COL25A1: variants seen among roughly 807,000 people sequenced by gnomAD.
COL25A1 encodes the protein collagen type XXV alpha 1 chain.
Under a neutral mutation model 128.4 loss-of-function variants are expected in COL25A1, and 103 were observed. The ratio of observed to expected loss-of-function variants is 0.80; its 90% confidence interval spans 0.68 to 0.94. COL25A1 has a LOEUF of 0.94. Ranked by LOEUF, COL25A1 falls within the 40% of genes least tolerant of loss-of-function variation. The pLI is 0.00. For missense variants in COL25A1, 745 were observed against 840.0 expected (o/e 0.89, Z 1.40); for synonymous variants, 279 against 277.2 (o/e 1.01, Z -0.06).
chr4:109,199,321 C>A (rs551810985), intron 3 of COL25A1, among the ~76,000 whole-genome samples: 2 of 149,444 alleles, frequency 1.3e-5, no homozygotes, highest in Non-Finnish European at 2.9e-5. Context: ...TTTTGTTTTT[C>A]TTTTTCTAGA....
rs1049400394 is a variant in COL25A1, at chr4:109,079,033, G to A, written c.368-28854C>T. On this transcript the variant is annotated intron_variant, in intron 3 of 37. Coordinates refer to ENST00000399132, the MANE Select transcript of COL25A1 (RefSeq NM_198721.4). ...AGCCTACAGAGTCTTGTGGTCAGAA[G>A]AATCTTACAATTTCTGCTGATGCTT... Among the ~76,000 whole-genome samples the A allele has an allele frequency of 3.9e-5, 6 of 152,352 alleles. No individual in the cohort carries two copies. The East Asian group carries it at 1.2e-3, about 29-fold the overall frequency.
chr4:108,840,723 T>G (rs533093459), intron 31 of COL25A1, among the ~76,000 whole-genome samples: 2 of 152,332 alleles, frequency 1.3e-5, no homozygotes, highest in South Asian at 2.1e-4. Flanking sequence ...CAGGAGTTCA[T>G]GAACCTTCTT....
At chr4:109,035,618 C>A (rs1168517773) in intron 5 of COL25A1, among the ~76,000 whole-genome samples, 1 of 151,956 alleles carries the variant, frequency 6.6e-6, no homozygotes, top group African/African-American at 2.4e-5. Context: ...TTTTTAATGA[C>A]AAAATAAAAG....
intron 11 of COL25A1, among the ~76,000 whole-genome samples, chr4:108,937,588 C>T (rs993396057): frequency 3.6e-5 from 4 of 110,626 alleles, no homozygotes; most frequent in African/African-American, 1.0e-4. Context: ...TCTGTCGCTC[C>T]CCACACCTGG....
At position 108,974,443 on chromosome 4, in the gene COL25A1, A is replaced by ATGT. The variant is rs765818056; in HGVS notation, c.466-53_466-51dup. The ATGT allele has an allele frequency of 8.7e-6, 14 of 1,609,942 alleles. No homozygotes were observed. In the South Asian group the frequency reaches 1.2e-4, roughly 14 times the overall value. On this transcript the variant is annotated intron_variant, in intron 7 of 37. Transcript: ENST00000399132. ...CAGTTTTAGCCAAAATTTATACATG[A>ATGT]TGTTCATTAAAAAGATCAAAATGTA...
At chr4:109,154,494 A>C (rs1322719638) in intron 3 of COL25A1, among the ~76,000 whole-genome samples, 2 of 152,178 alleles carry the variant, frequency 1.3e-5, no homozygotes, top group African/African-American at 4.8e-5. Flanking sequence ...TGGATCGCTG[A>C]GAAGGTGGGT....
At chr4:108,952,024 A>T (rs1749497126) in intron 8 of COL25A1, among the ~76,000 whole-genome samples, 1 of 152,216 alleles carries the variant, frequency 6.6e-6, no homozygotes, top group African/African-American at 2.4e-5. Context: ...ACTAAAGATT[A>T]TAGAAAGAGT....
intron 3 of COL25A1, among the ~76,000 whole-genome samples, chr4:109,186,103 G>C (rs1775106749): frequency 6.6e-6 from 1 of 151,970 alleles, no homozygotes; most frequent in Non-Finnish European, 1.5e-5. Flanking sequence ...AGGACCTTTT[G>C]TCATTCTTCC....
intron 13 of COL25A1, among the ~76,000 whole-genome samples, chr4:108,906,907 A>C (rs1366065892): frequency 6.6e-6 from 1 of 152,224 alleles, no homozygotes; most frequent in Non-Finnish European, 1.5e-5. Context: ...GCCTACATGA[A>C]GATGTGAAGC....
chr4:109,295,713 C>G (rs1389447890), intron 3 of COL25A1, among the ~76,000 whole-genome samples: 1 of 152,020 alleles, frequency 6.6e-6, no homozygotes, highest in Non-Finnish European at 1.5e-5. Context: ...AACCATCAAG[C>G]TACAGCTAAC....
At chr4:108,922,936 CTAACAAGAG>C in intron 11 of COL25A1, among the ~76,000 whole-genome samples, 1 of 152,200 alleles carries the variant, frequency 6.6e-6, no homozygotes, top group East Asian at 1.9e-4. Context: ...TGGTAGGGAT[CTAACAAGAG>C]TATCATCCAT....
At chr4:109,295,667 T>A (rs1272988586) in intron 3 of COL25A1, among the ~76,000 whole-genome samples, 1 of 151,996 alleles carries the variant, frequency 6.6e-6, no homozygotes, top group Non-Finnish European at 1.5e-5. Context: ...GAAAGGTAAT[T>A]TAAAGGTTCT....
chr4:108,945,689 G>C (rs1748651037), intron 8 of COL25A1, among the ~76,000 whole-genome samples: 1 of 152,094 alleles, frequency 6.6e-6, no homozygotes, highest in Non-Finnish European at 1.5e-5. Flanking sequence ...TTTTGAGATG[G>C]AGTCTGGCTC....
At chr4:109,058,450 T>C (rs1418721085) in intron 3 of COL25A1, among the ~76,000 whole-genome samples, 2 of 152,160 alleles carry the variant, frequency 1.3e-5, no homozygotes, top group African/African-American at 4.8e-5. Context: ...CAGAAAAATA[T>C]TTTAAATTAG....
chr4:108,969,438 C>A (rs754503099), intron 8 of COL25A1, among the ~76,000 whole-genome samples: 2 of 152,220 alleles, frequency 1.3e-5, no homozygotes, highest in Non-Finnish European at 2.9e-5. Flanking sequence ...GACTTAGTAA[C>A]ATCATTGAAT....
At chr4:109,108,754 T>C (rs1766701352) in intron 3 of COL25A1, among the ~76,000 whole-genome samples, 1 of 143,056 alleles carries the variant, frequency 7.0e-6, no homozygotes, top group South Asian at 2.3e-4. Context: ...TGGTACTCAT[T>C]ATGGTTTTTT....
chr4:108,860,702 C>T (rs1248086636), intron 23 of COL25A1, among the ~76,000 whole-genome samples: 1 of 152,036 alleles, frequency 6.6e-6, no homozygotes. Flanking sequence ...GTTCTTTAGG[C>T]CTTCTCAAAG....
chr4:109,140,211 T>C (rs1030913385), intron 3 of COL25A1, among the ~76,000 whole-genome samples: 1 of 152,314 alleles, frequency 6.6e-6, no homozygotes, highest in Non-Finnish European at 1.5e-5. Flanking sequence ...CTGGGTCAAA[T>C]GGTATTTCTA....
chr4:108,855,232 T>A (rs1736356571), intron 24 of COL25A1, among the ~76,000 whole-genome samples: 1 of 143,502 alleles, frequency 7.0e-6, no homozygotes. Context: ...AAAGGTAAAA[T>A]GTCCACAAAC....
Sources: allele counts gnomAD v4.1 joint callset (sites outside exome capture counted in the v4.1 genomes callset), GRCh38; gene constraint gnomAD v4.1.1; transcripts MANE v1.5; gene names NCBI Gene and HGNC (gene_info 2026-07-23, HGNC 2026-07-21).